ABCC11: variants seen among roughly 807,000 people sequenced by gnomAD.
ABCC11 encodes the protein ATP-binding cassette sub-family C member 11.
ABCC11 carries 135 observed loss-of-function variants against 149.3 expected under a neutral mutation model. The ratio of observed to expected loss-of-function variants is 0.90; its 90% CI spans 0.79 to 1.04. The LOEUF is 1.04. Ranked by LOEUF, ABCC11 falls within the 50% of genes least tolerant of loss-of-function variation. ABCC11 has a pLI of 0.00. For synonymous variants in ABCC11, 665 were observed against 671.4 expected, an observed-to-expected ratio of 0.99 and a Z score of 0.15; for missense variants, 1,680 against 1,722.1, an observed-to-expected ratio of 0.98 and a Z score of 0.43.
rs1971228123 is a variant in ABCC11, at chr16:48,244,517, G to C, written c.-19+2797C>G. 3 of 1,589,180 alleles carry C rather than the reference G, an allele frequency of 1.9e-6. No individual in the cohort carries two copies. The South Asian group carries it at 3.4e-5, about 18-fold the overall frequency. On this transcript the variant is annotated intron_variant, in intron 1 of 29. Transcript: ENST00000356608. ...CGGCCCGCAACCTGCAGCTGGTGCG[G>C]AGCCGCCTTCTGAAGGGCACGTCGC...
At chr16:48,219,482 A>T (rs913013219) in intron 6 of ABCC11, among the ~76,000 whole-genome samples, 3 of 152,086 alleles carry the variant, frequency 2.0e-5, no homozygotes, top group African/African-American at 7.2e-5. Context: ...AATGTGCTTT[A>T]AAAGGTCTGA....
At chr16:48,219,922 A>T (rs1005637242) in intron 6 of ABCC11, among the ~76,000 whole-genome samples, 1 of 152,240 alleles carries the variant, frequency 6.6e-6, no homozygotes, top group Non-Finnish European at 1.5e-5. Flanking sequence ...CAGATGTTGC[A>T]GTGAGCCAAG....
chr16:48,186,830 C>T, intron 22 of ABCC11, 123 bp downstream of exon 22: 1 of 1,228,902 alleles, frequency 8.1e-7, no homozygotes, highest in Non-Finnish European at 1.1e-6. Context: ...AGAAATACGT[C>T]CATCGAACAA....
rs373064864 is a variant in ABCC11, at chr16:48,204,157, T to C, written c.1806-857A>G. ...TATCTACACATTAAATACCTAACAG[T>C]GAATTTGCTGAGTCAAAGGGTTGGT... On this transcript the variant is annotated intron_variant, in intron 13 of 29. Coordinates refer to ENST00000356608, the MANE Select transcript of ABCC11 (RefSeq NM_001370497.1). Among the ~76,000 whole-genome samples, 14 of 152,286 alleles carry C rather than the reference T, an allele frequency of 9.2e-5. No homozygotes were observed. The East Asian group carries it at 1.9e-3, about 21-fold the overall frequency.
Position 48,196,253 on chromosome 16 carries a change from G to C in ABCC11, c.2383C>G (p.His795Asp), listed in dbSNP as rs267604559. 3 of 1,614,154 alleles carry C rather than the reference G, an allele frequency of 1.9e-6. No homozygotes were observed. Among genetic ancestry groups the C allele is most frequent in the Non-Finnish European group, 2.5e-6 (3 of 1,180,020 alleles). ...EGSLSWRVYH[H>D]YIQAAGGYMV... is the part of the protein sequence containing the mutation. ...GTACCTCCAGCTGCCTGGATGTAGTGGTGGTAGACCCTCCAACTCAAGGAG... is the reference window on the plus strand; with the variant it reads ...GTACCTCCAGCTGCCTGGATGTAGTCGTGGTAGACCCTCCAACTCAAGGAG... The change falls in exon 18 of 30, where the codon CAC (histidine) becomes GAC (aspartate). Residue 795 changes from histidine to aspartate, a missense_variant. Physicochemically the swap from His to Asp is moderately conservative, Grantham distance 81. Coordinates refer to ENST00000356608, the MANE Select transcript of ABCC11 (RefSeq NM_001370497.1).
At chr16:48,241,158 A>T (rs1469356852) in intron 1 of ABCC11, among the ~76,000 whole-genome samples, 4 of 151,936 alleles carry the variant, frequency 2.6e-5, no homozygotes, top group South Asian at 2.1e-4. Context: ...CTGGTCTCGA[A>T]CTCCTGACCT....
chr16:48,222,872 C>A, intron 5 of ABCC11, 41 bp from the exon 6 acceptor site: 2 of 1,514,090 alleles, frequency 1.3e-6, no homozygotes, highest in Non-Finnish European at 1.8e-6. Context: ...GACCACCCTG[C>A]CAGACACGTT....
chr16:48,182,505 C>T (rs1009165158), intron 23 of ABCC11, among the ~76,000 whole-genome samples: 12 of 152,094 alleles, frequency 7.9e-5, no homozygotes, highest in East Asian at 3.9e-4. Context: ...TGGGGCGGGG[C>T]GCGGTGGCTC....
At position 48,167,476 on chromosome 16, in the gene ABCC11, C is replaced by T. The variant is rs773972557; in HGVS notation, c.4056+20G>A. 5.5e-5 allele frequency: 88 copies of T among 1,613,376 alleles called. No homozygotes were observed. Among genetic ancestry groups the T allele is most frequent in the Non-Finnish European group, 7.0e-5 (82 of 1,179,526 alleles). On this transcript the variant is annotated intron_variant, in intron 29 of 29. Transcript: ENST00000356608. The stretch of plus-strand genomic sequence containing the variant: ...GCCTGAGCCCTCATCCTCCCACCAG[C>T]CCAAGGACGCAGCCTTCACCTTCCC...
intron 12 of ABCC11, 132 bp from the exon 13 acceptor site, chr16:48,205,669 T>G: frequency 8.1e-7 from 1 of 1,233,048 alleles, no homozygotes; most frequent in Non-Finnish European, 1.1e-6. Flanking sequence ...AAAGGGACTT[T>G]TAATGTGGCC....
In ABCC11 at chr16:48,216,291, C is replaced by A; in HGVS notation, c.778-4G>T. The stretch of plus-strand genomic sequence containing the variant: ...CACCGGTGAAGAAGCTGATGGCCTG[C>A]AAGACAGCAAGTTGATGGGCACAGA... On this transcript the variant is annotated splice_polypyrimidine_tract_variant and splice_region_variant and intron_variant, in intron 6 of 29. Transcript: ENST00000356608. 3 of 1,611,702 alleles carry A rather than the reference C, an allele frequency of 1.9e-6. No individual in the cohort carries two copies. Among genetic ancestry groups the A allele is most frequent in the Middle Eastern group, 2.0e-4 (1 of 5,090 alleles).
At chr16:48,230,626 C>T in intron 2 of ABCC11, 53 bp from the exon 3 acceptor site, 1 of 1,453,934 alleles carries the variant, frequency 6.9e-7, no homozygotes, top group Non-Finnish European at 9.1e-7. Flanking sequence ...AAATTCTGTC[C>T]TGAGGGAATG....
intron 11 of ABCC11, chr16:48,210,434 T>C (rs186865559): frequency 6.5e-6 from 1 of 154,260 alleles, no homozygotes; most frequent in Non-Finnish European, 1.4e-5. Flanking sequence ...TAGATCAATA[T>C]CTATATCTAT....
intron 26 of ABCC11, among the ~76,000 whole-genome samples, chr16:48,171,320 G>A (rs1200923749): frequency 5.3e-5 from 8 of 152,224 alleles, no homozygotes; most frequent in Non-Finnish European, 1.2e-4. Flanking sequence ...TAACCAATCA[G>A]AGTGTATCTC....
At chr16:48,225,080 C>T (rs908865976) in intron 4 of ABCC11, among the ~76,000 whole-genome samples, 6 of 150,070 alleles carry the variant, frequency 4.0e-5, no homozygotes, top group African/African-American at 1.2e-4. Flanking sequence ...ACACTACAGT[C>T]GGGTGCCTGT....
intron 25 of ABCC11, among the ~76,000 whole-genome samples, chr16:48,176,471 G>T (rs566488542): frequency 6.6e-6 from 1 of 152,056 alleles, no homozygotes; most frequent in Non-Finnish European, 1.5e-5. Context: ...GTCCAGGAAG[G>T]GGGTGGGGAG....
intron 1 of ABCC11, among the ~76,000 whole-genome samples, chr16:48,236,524 T>G (rs1293713381): frequency 6.6e-6 from 1 of 152,250 alleles, no homozygotes; most frequent in Non-Finnish European, 1.5e-5. Flanking sequence ...GGACCTTGTC[T>G]GTCATGTTCA....
At chr16:48,218,743 T>C (rs1471301548) in intron 6 of ABCC11, among the ~76,000 whole-genome samples, 3 of 152,180 alleles carry the variant, frequency 2.0e-5, no homozygotes, top group Non-Finnish European at 2.9e-5. Context: ...CAGTCTCCCT[T>C]GTCTGCCACC....
intron 12 of ABCC11, 133 bp from the exon 13 acceptor site, chr16:48,205,670 T>A: frequency 8.2e-7 from 1 of 1,221,254 alleles, no homozygotes; most frequent in Non-Finnish European, 1.1e-6. Flanking sequence ...AAGGGACTTT[T>A]AATGTGGCCC....
Sources: allele counts gnomAD v4.1 joint callset (sites outside exome capture counted in the v4.1 genomes callset), GRCh38; gene constraint gnomAD v4.1.1; transcripts MANE v1.5; gene names NCBI Gene and HGNC (gene_info 2026-07-23, HGNC 2026-07-21).